TRIP6: variants seen among roughly 807,000 people sequenced by gnomAD.
The protein encoded by TRIP6 is thyroid hormone receptor interactor 6.
TRIP6 carries 33 observed loss-of-function variants against 51.9 expected under a neutral mutation model. The ratio of observed to expected loss-of-function variants is 0.64; its 90% confidence interval spans 0.48 to 0.85. The LOEUF is 0.85. Ranked by LOEUF, TRIP6 falls within the 40% of genes least tolerant of loss-of-function variation. TRIP6 has a pLI of 0.00. For synonymous variants in TRIP6, 255 were observed against 275.8 expected, an observed-to-expected ratio of 0.92 and a Z score of 0.75; for missense variants, 661 against 652.1, an observed-to-expected ratio of 1.01 and a Z score of -0.15.
At position 100,867,700 on chromosome 7, in the gene TRIP6, G is replaced by A; in HGVS notation, c.109+94G>A. The A allele has an allele frequency of 7.2e-6, 11 of 1,536,042 alleles. No homozygotes were observed. Among genetic ancestry groups the A allele is most frequent in the Non-Finnish European group, 9.7e-6 (11 of 1,136,544 alleles). On this transcript the variant is annotated intron_variant, in intron 1 of 8. Coordinates refer to ENST00000200457, the MANE Select transcript of TRIP6 (RefSeq NM_003302.3). This position sits in a 1 kb window ranked among gnomAD's most constrained non-coding sequence, Gnocchi z 5.4. ...CCTCCCGCCCTGGCTGCTTCCTCCT[G>A]CCCCTTCCCCAAGCCGAGGCGGGGG...
intron 7 of TRIP6, 93 bp from the exon 8 acceptor site, chr7:100,872,531 G>C: frequency 1.3e-6 from 2 of 1,564,652 alleles, no homozygotes; most frequent in South Asian, 1.2e-5. Flanking sequence ...TGGCCTCTCT[G>C]ATTCCCTCCT....
intron 8 of TRIP6, among the ~76,000 whole-genome samples, 159 bp from the exon 9 acceptor site, chr7:100,873,013 G>A (rs1002933197): frequency 2.0e-5 from 3 of 152,122 alleles, no homozygotes; most frequent in African/African-American, 7.2e-5. Context: ...ACCATGCCTG[G>A]CTAATTTTTG....
rs942347194 is a variant in TRIP6, at chr7:100,867,716, G to A, written c.109+110G>A. Reference sequence around the variant, plus strand: ...CTTCCTCCTGCCCCTTCCCCAAGCCGAGGCGGGGGGAACAGCCGCCTGCGC... The same window carrying A: ...CTTCCTCCTGCCCCTTCCCCAAGCCAAGGCGGGGGGAACAGCCGCCTGCGC... On this transcript the variant is annotated intron_variant, in intron 1 of 8. Transcript: ENST00000200457. This position sits in a 1 kb window ranked among gnomAD's most constrained non-coding sequence, Gnocchi z 5.4. 1.5e-4 allele frequency: 231 copies of A among 1,518,536 alleles called. No individual in the cohort carries two copies. Among genetic ancestry groups the A allele is most frequent in the Non-Finnish European group, 2.0e-4 (220 of 1,128,144 alleles). 94.1% of individuals were successfully genotyped at this position (1,518,536 alleles called of 1,614,324 possible).
In TRIP6 at chr7:100,871,719, C is replaced by A. The variant is rs745469547; in HGVS notation, c.1176C>A (p.His392Gln). Residue 392 changes from histidine to glutamine, a missense_variant and splice_region_variant, in exon 7 of 9, where the codon CAC becomes CAA. Transcript: ENST00000200457. ...TSQIHCIEDF[H>Q]RKFAPRCSVC... is the part of the protein sequence containing the mutation. Reference sequence around the variant, plus strand: ...AGATCCACTGCATTGAGGACTTTCACAGGTCAGGCCTGGCCTCCACCTTGT... The same window carrying A: ...AGATCCACTGCATTGAGGACTTTCAAAGGTCAGGCCTGGCCTCCACCTTGT... 1 of 1,613,442 alleles carries A rather than the reference C, an allele frequency of 6.2e-7. No individual in the cohort carries two copies. Among genetic ancestry groups the A allele is most frequent in the African/African-American group, 1.3e-5 (1 of 75,058 alleles).
intron 7 of TRIP6, 36 bp downstream of exon 7, chr7:100,871,757 G>C (rs369254618): frequency 6.2e-7 from 1 of 1,601,142 alleles, no homozygotes; most frequent in Non-Finnish European, 8.5e-7. Context: ...CACAATGTCT[G>C]ACCTTTCCTG....
rs1232989924 is a variant in TRIP6, at chr7:100,867,550, C to G, written c.53C>G (p.Pro18Arg). ...PPKQPEPARA[P>R]QGRAIPRGTP... The stretch of plus-strand genomic sequence containing the variant: ...AAGCAGCCGGAGCCCGCCAGAGCCC[C>G]TCAGGGGAGGGCGATCCCCCGCGGC... The change falls in exon 1 of 9, where the codon CCT becomes CGT. Residue 18 changes from proline (P) to arginine (R), a missense_variant. Coordinates refer to ENST00000200457, the MANE Select transcript of TRIP6 (RefSeq NM_003302.3). The surrounding 1 kb of genome is among the most constrained non-coding windows in gnomAD (Gnocchi z 5.4). 2.6e-6 allele frequency: 4 copies of G among 1,540,484 alleles called. No individual in the cohort carries two copies. Among genetic ancestry groups the G allele is most frequent in the African/African-American group, 2.7e-5 (2 of 72,864 alleles).
Position 100,867,589 on chromosome 7 carries a change from C to G in TRIP6, c.92C>G (p.Pro31Arg). 6.5e-7 allele frequency: 1 copy of G among 1,539,940 alleles called. No individual in the cohort carries two copies. The highest frequency in any genetic ancestry group is 8.7e-7 in the Non-Finnish European group (1 of 1,146,468). Residue 31 changes from proline (P) to arginine (R), a missense_variant, in exon 1 of 9, where the codon CCA becomes CGA. Physicochemically the swap from Pro to Arg is moderately radical, Grantham distance 103. Transcript: ENST00000200457. This position sits in a 1 kb window ranked among gnomAD's most constrained non-coding sequence, Gnocchi z 5.4. ...RAIPRGTPGP[P>R]PAHGAALQPH... is the part of the protein sequence containing the mutation. The stretch of plus-strand genomic sequence containing the variant: ...ATCCCCCGCGGCACCCCGGGGCCAC[C>G]ACCGGCCCACGGAGCAGGTAAGGCA...
chr7:100,869,632 CA>C (rs757024618), intron 4 of TRIP6, among the ~76,000 whole-genome samples: 567 of 37,634 alleles, frequency 0.015, no homozygotes, highest in African/African-American at 0.047. Flanking sequence ...AACTCTGTCT[CA>C]AAAAAAAAAA....
intron 6 of TRIP6, 112 bp from the exon 7 acceptor site, chr7:100,871,431 G>A (rs761857487): frequency 2.1e-5 from 22 of 1,025,482 alleles, no homozygotes; most frequent in Non-Finnish European, 2.5e-5. Context: ...ATCACATGCA[G>A]GAGGCTGCAT....
At chr7:100,871,262 T>A in intron 6 of TRIP6, 2 of 529,636 alleles carry the variant, frequency 3.8e-6, no homozygotes, top group Non-Finnish European at 6.9e-6. Flanking sequence ...TTGAAACTCC[T>A]GGCCTCAAGC....
chr7:100,869,632 C>CAAA (rs757024618), intron 4 of TRIP6, among the ~76,000 whole-genome samples: 27 of 37,554 alleles, frequency 7.2e-4, no homozygotes, highest in East Asian at 1.7e-3. Flanking sequence ...AACTCTGTCT[C>CAAA]AAAAAAAAAA....
intron 8 of TRIP6, 30 bp downstream of exon 8, chr7:100,872,774 T>TGGCAGTG: frequency 1.2e-6 from 2 of 1,612,288 alleles, no homozygotes; most frequent in Non-Finnish European, 1.7e-6. Context: ...TGCAAGGGGC[T>TGGCAGTG]GGCAGTGTCT....
intron 6 of TRIP6, chr7:100,871,252 T>C: frequency 1.9e-6 from 1 of 513,606 alleles, no homozygotes; most frequent in Non-Finnish European, 3.6e-6. Context: ...CCAGGCTGTT[T>C]TGAAACTCCT....
chr7:100,870,787 A>T (rs753098596), intron 6 of TRIP6, 44 bp downstream of exon 6: 5 of 1,579,516 alleles, frequency 3.2e-6, no homozygotes, highest in Non-Finnish European at 4.3e-6. Flanking sequence ...GGCTGGATGC[A>T]GGGGGCTTCC....
intron 4 of TRIP6, among the ~76,000 whole-genome samples, chr7:100,869,330 C>A (rs1343388598): frequency 6.6e-6 from 1 of 151,282 alleles, no homozygotes; most frequent in Non-Finnish European, 1.5e-5. Flanking sequence ...TGCGGGGGAG[C>A]AGGATAGAAC....
In TRIP6 at chr7:100,867,885, A is replaced by T; in HGVS notation, c.134A>T (p.Asn45Ile). ...GAALQPHPRV[N>I]FCPLPSEQCY... ...GCACTCCAGCCCCACCCCAGGGTCAATTTTTGCCCCCTTCCATCTGAGCAG... is the reference window on the plus strand; with the variant it reads ...GCACTCCAGCCCCACCCCAGGGTCATTTTTTGCCCCCTTCCATCTGAGCAG... Residue 45 changes from asparagine to isoleucine, a missense_variant, in exon 2 of 9, where the codon AAT becomes ATT. By Grantham distance (149) the Asn-to-Ile change is moderately radical (BLOSUM62 -3). Transcript: ENST00000200457. The surrounding 1 kb of genome is among the most constrained non-coding windows in gnomAD (Gnocchi z 5.4). 6.5e-7 allele frequency: 1 copy of T among 1,530,112 alleles called. No individual in the cohort carries two copies. The highest frequency in any genetic ancestry group is 1.3e-5 in the South Asian group (1 of 75,516). 94.8% of individuals were successfully genotyped at this position (1,530,112 alleles called of 1,614,324 possible).
intron 7 of TRIP6, among the ~76,000 whole-genome samples, chr7:100,872,019 T>G (rs964732869): frequency 1.4e-5 from 2 of 146,406 alleles, no homozygotes; most frequent in African/African-American, 5.1e-5. Flanking sequence ...CTTCGTTTTT[T>G]TTTTTTTTTT....
chr7:100,868,922 G>T (rs895987648), intron 4 of TRIP6, 56 bp downstream of exon 4: 2 of 1,440,146 alleles, frequency 1.4e-6, no homozygotes, highest in Admixed American at 5.4e-5. Context: ...CACCGACTGG[G>T]TGGGGTGGCT....
intron 6 of TRIP6, chr7:100,871,177 G>C: frequency 2.2e-6 from 1 of 464,054 alleles, no homozygotes; most frequent in Non-Finnish European, 4.2e-6. Context: ...TGGGATTACA[G>C]GTGCCCACCA....
Sources: gnomAD v4.1 joint callset for allele counts (sites outside exome capture counted in the v4.1 genomes callset) on GRCh38, gnomAD v4.1.1 for gene constraint, Gnocchi (gnomAD v3.1) non-coding constraint, MANE v1.5 for transcripts, NCBI Gene and HGNC (gene_info 2026-07-23, HGNC 2026-07-21) for gene names.